The following BDH1 variants were observed in gnomAD, a reference collection of about 807,000 sequenced individuals.
The protein encoded by BDH1 is 3-hydroxybutyrate dehydrogenase 1.
A neutral mutation model predicts 33.1 loss-of-function variants in BDH1; 30 were observed. The observed-to-expected ratio is 0.91, with a 90% CI of 0.68 to 1.23. BDH1 has a LOEUF of 1.23. Ranked by LOEUF, BDH1 falls within the 50% of genes most tolerant of loss-of-function variation. The pLI is 0.00. For missense variants in BDH1, 443 were observed against 464.4 expected (o/e 0.95, Z 0.42); for synonymous variants, 190 against 183.6 (o/e 1.03, Z -0.28).
chr3:197,512,504 G>C, intron 7 of BDH1, 140 bp from the exon 8 acceptor site: 1 of 888,440 alleles, frequency 1.1e-6, no homozygotes, highest in Non-Finnish European at 1.7e-6. Flanking sequence ...GGCAAGGCCA[G>C]CTCAGGCCCA....
chr3:197,531,342 G>A (rs1045917248), intron 5 of BDH1, among the ~76,000 whole-genome samples: 2 of 151,204 alleles, frequency 1.3e-5, no homozygotes, highest in Non-Finnish European at 2.9e-5. Flanking sequence ...GTTGCAGTGA[G>A]CCAAGATTGC....
intron 1 of BDH1, among the ~76,000 whole-genome samples, chr3:197,561,202 C>G (rs1216092529): frequency 1.3e-5 from 2 of 152,118 alleles, no homozygotes; most frequent in East Asian, 3.8e-4. Flanking sequence ...ATCTACTGGT[C>G]CTTGGTAGCA....
chr3:197,549,546 A>C (rs562603405), intron 2 of BDH1, among the ~76,000 whole-genome samples: 2 of 152,340 alleles, frequency 1.3e-5, no homozygotes, highest in African/African-American at 4.8e-5. Flanking sequence ...ACCGGGTCAC[A>C]CAAGGCAGGA....
rs574774304 is a variant in BDH1 at position 197,554,445 on chromosome 3, T to C, written c.-44+117A>G. ...GAAGTAGAGGCTCTGTAAATGTGTA[T>C]TGAGTGAATATGAAAGCTTCACAAA... On this transcript the variant is annotated intron_variant, in intron 2 of 7. Coordinates refer to ENST00000392379, the MANE Select transcript of BDH1 (RefSeq NM_203314.3). This position sits in a 1 kb window ranked among gnomAD's most constrained non-coding sequence, Gnocchi z 4.4. 2.0e-5 allele frequency: 3 copies of C among 152,342 alleles called. No homozygotes were observed. The highest frequency in any genetic ancestry group is 4.8e-5 in the African/African-American group (2 of 41,568). 9.4% of individuals were successfully genotyped at this position (152,342 alleles called of 1,614,324 possible). A position where few individuals can be genotyped will look rare whatever the true frequency, so the allele number is the denominator to read the frequency against.
rs547762789 is a variant in BDH1 at position 197,523,797 on chromosome 3, G to A, written c.268-1016C>T. Among the ~76,000 whole-genome samples the A allele has an allele frequency of 6.6e-6, 1 of 152,260 alleles. No homozygotes were observed. The highest frequency in any genetic ancestry group is 6.5e-5 in the Admixed American group (1 of 15,300). On this transcript the variant is annotated intron_variant, in intron 5 of 7. Coordinates refer to ENST00000392379, the MANE Select transcript of BDH1 (RefSeq NM_203314.3). The surrounding 1 kb of genome is among the most constrained non-coding windows in gnomAD (Gnocchi z 4.5). Reference sequence around the variant, plus strand: ...AGACCTTCCAAAGGCAGTGACAGCTGAGGACATTCACAAGAGGGGGCCGAT... The same window carrying A: ...AGACCTTCCAAAGGCAGTGACAGCTAAGGACATTCACAAGAGGGGGCCGAT...
chr3:197,533,625 C>G, intron 3 of BDH1, 64 bp from the exon 4 acceptor site: 3 of 1,530,550 alleles, frequency 2.0e-6, no homozygotes, highest in Non-Finnish European at 1.8e-6. Flanking sequence ...CCACACTGGC[C>G]TAGAGCAGCA....
chr3:197,527,560 G>A (rs1714217998), intron 5 of BDH1, among the ~76,000 whole-genome samples: 1 of 152,080 alleles, frequency 6.6e-6, no homozygotes, highest in African/African-American at 2.4e-5. Context: ...ATGGTGGTGA[G>A]ACGCCACCTC....
intron 1 of BDH1, among the ~76,000 whole-genome samples, chr3:197,561,354 T>C (rs1326927327): frequency 1.3e-5 from 2 of 152,162 alleles, no homozygotes; most frequent in Non-Finnish European, 2.9e-5. Context: ...CACCTTTTTT[T>C]TGGAGTTTTA....
At chr3:197,531,950 G>A (rs1242847204) in intron 5 of BDH1, among the ~76,000 whole-genome samples, 1 of 152,192 alleles carries the variant, frequency 6.6e-6, no homozygotes, top group Non-Finnish European at 1.5e-5. Context: ...CTGTGGCAGT[G>A]TTATTTACTC....
intron 6 of BDH1, among the ~76,000 whole-genome samples, chr3:197,519,822 C>T (rs1427256231): frequency 6.6e-6 from 1 of 152,108 alleles, no homozygotes; most frequent in African/African-American, 2.4e-5. Flanking sequence ...ATGTCCTGTC[C>T]CTCAGCGTCC....
chr3:197,512,150 C>G lies in BDH1; in HGVS notation c.777G>C (p.Lys259Asn), dbSNP rs1579844857. Residue 259 changes from lysine (K) to asparagine (N), a missense_variant, in exon 8 of 8, where the codon AAG becomes AAC. Coordinates refer to ENST00000392379, the MANE Select transcript of BDH1 (RefSeq NM_203314.3). ...CGACCTCAGGCAGCTCCTCCCACAT[C>G]TTCTTGGCGATGGCCTGAATGCTCT... is the stretch of plus-strand genomic sequence containing the variant. ...SPESIQAIAK[K>N]MWEELPEVVR... The G allele has an allele frequency of 6.2e-7, 1 of 1,614,050 alleles. No homozygotes were observed. The highest frequency in any genetic ancestry group is 8.5e-7 in the Non-Finnish European group (1 of 1,180,020).
chr3:197,539,704 C>T (rs754930254), intron 3 of BDH1, among the ~76,000 whole-genome samples: 13 of 152,184 alleles, frequency 8.5e-5, no homozygotes, highest in Non-Finnish European at 1.8e-4. Context: ...GGCTCATCTG[C>T]TCTTGTGGCC....
Position 197,542,521 on chromosome 3 carries a change from C to CTTTTTTTTTTTTTTTTTTTTTTTTTT in BDH1, c.83+3839_83+3840insAAAAAAAAAAAAAAAAAAAAAAAAAA, listed in dbSNP as rs71164295. ...GTCAACACGCTTTCTTTCTTGCTTG[C>CTTTTTTTTTTTTTTTTTTTTTTTTTT]TTTTTTTTTTTTTTTTTTTGAGACG... On this transcript the variant is annotated intron_variant, in intron 3 of 7. Coordinates refer to ENST00000392379, the MANE Select transcript of BDH1 (RefSeq NM_203314.3). Among the ~76,000 whole-genome samples the CTTTTTTTTTTTTTTTTTTTTTTTTTT allele has an allele frequency of 3.8e-5, 4 of 106,446 alleles. 1 individual carries two copies. Among genetic ancestry groups the CTTTTTTTTTTTTTTTTTTTTTTTTTT allele is most frequent in the East Asian group, 2.5e-4 (1 of 3,996 alleles). 69.8% of individuals were successfully genotyped at this position (106,446 alleles called of 152,430 possible).
intron 1 of BDH1, among the ~76,000 whole-genome samples, chr3:197,572,749 T>TAAAC (rs906627058): frequency 6.6e-6 from 1 of 151,996 alleles, no homozygotes; most frequent in Non-Finnish European, 1.5e-5. Context: ...AATAAATAAA[T>TAAAC]AAACAAACAA....
At position 197,522,999 on chromosome 3, in the gene BDH1, T is replaced by A. The variant is rs1382685789; in HGVS notation, c.268-218A>T. On this transcript the variant is annotated intron_variant, in intron 5 of 7. Coordinates refer to ENST00000392379, the MANE Select transcript of BDH1 (RefSeq NM_203314.3). This position sits in a 1 kb window ranked among gnomAD's most constrained non-coding sequence, Gnocchi z 4.8. The stretch of plus-strand genomic sequence containing the variant: ...AAGCTATGTGCCACAGACACAACCA[T>A]GAATAGGATGAAGAGCCGGCCCCCA... 5.6e-6 allele frequency: 3 copies of A among 533,086 alleles called. No homozygotes were observed. The Admixed American group carries it at 1.1e-4, about 19-fold the overall frequency. 33.0% of individuals were successfully genotyped at this position (533,086 alleles called of 1,614,324 possible).
Position 197,514,609 on chromosome 3 carries a change from C to T in BDH1, c.410-193G>A, listed in dbSNP as rs1241975860. ...AGAGGCCTAAAGTGCTGACTGCAGC[C>T]CTCCCTTGCGTCTAGAATGTCCAGT... On this transcript the variant is annotated intron_variant, in intron 6 of 7. Coordinates refer to ENST00000392379, the MANE Select transcript of BDH1 (RefSeq NM_203314.3). The surrounding 1 kb of genome is among the most constrained non-coding windows in gnomAD (Gnocchi z 4.2). 6.6e-6 allele frequency among the ~76,000 whole-genome samples: 1 copy of T among 152,142 alleles called. No individual in the cohort carries two copies. The highest frequency in any genetic ancestry group is 2.4e-5 in the African/African-American group (1 of 41,432).
intron 2 of BDH1, among the ~76,000 whole-genome samples, chr3:197,551,113 T>A (rs1716532721): frequency 6.6e-6 from 1 of 152,212 alleles, no homozygotes; most frequent in African/African-American, 2.4e-5. Context: ...AATTAAATGA[T>A]CATTGACTAT....
rs1199290223 is a variant in BDH1 at position 197,522,106 on chromosome 3, G to A, written c.409+534C>T. Among the ~76,000 whole-genome samples, 2 of 152,092 alleles carry A rather than the reference G, an allele frequency of 1.3e-5. No homozygotes were observed. The highest frequency in any genetic ancestry group is 2.1e-4 in the South Asian group (1 of 4,822). ...CCCCGCTACCCTCCCCGTGCTCCTC[G>A]AAGCTGTGGTTCCTGCTCTCCCCTC... is the stretch of plus-strand genomic sequence containing the variant. On this transcript the variant is annotated intron_variant, in intron 6 of 7. Transcript: ENST00000392379. The surrounding 1 kb of genome is among the most constrained non-coding windows in gnomAD (Gnocchi z 4.8).
At chr3:197,562,383 G>A (rs1019317342) in intron 1 of BDH1, among the ~76,000 whole-genome samples, 1 of 152,130 alleles carries the variant, frequency 6.6e-6, no homozygotes, top group Non-Finnish European at 1.5e-5. Context: ...GTTTTCATAG[G>A]CAAATGAGAA....
Sources: gnomAD v4.1 joint callset for allele counts (sites outside exome capture counted in the v4.1 genomes callset) on GRCh38, gnomAD v4.1.1 for gene constraint, Gnocchi (gnomAD v3.1) non-coding constraint, MANE v1.5 for transcripts, NCBI Gene and HGNC (gene_info 2026-07-23, HGNC 2026-07-21) for gene names.